Variants in ZFAT observed in about 807,000 individuals in gnomAD.
ZFAT encodes the protein zinc finger protein ZFAT.
In ZFAT, 64 loss-of-function variants were observed where a neutral mutation model predicts 117.7. The observed-to-expected ratio is 0.54, with a 90% CI of 0.44 to 0.67. The LOEUF (loss-of-function observed/expected upper bound fraction) is 0.67. ZFAT is among the 30% of genes least tolerant of loss of function. The pLI, the probability that ZFAT is intolerant of heterozygous loss-of-function variation, is 0.00. For missense variants in ZFAT, 1,433 were observed against 1,584.5 expected (o/e 0.90, Z 1.62); for synonymous variants, 679 against 615.0 (o/e 1.10, Z -1.54).
At chr8:134,578,973 C>T (rs937173387) in intron 10 of ZFAT, among the ~76,000 whole-genome samples, 1 of 152,196 alleles carries the variant, frequency 6.6e-6, no homozygotes, top group Non-Finnish European at 1.5e-5. Flanking sequence ...CTGGCTTTTA[C>T]ACTTTTCAAA....
At chr8:134,696,978 C>T (rs1052528433) in intron 1 of ZFAT, among the ~76,000 whole-genome samples, 1 of 151,298 alleles carries the variant, frequency 6.6e-6, no homozygotes, top group African/African-American at 2.4e-5. Context: ...AGTGCAGTGG[C>T]GCCATTTCGG....
the ZFAT span, among the ~76,000 whole-genome samples, chr8:134,737,591 GAC>G: frequency 7.2e-5 from 11 of 152,306 alleles, no homozygotes; most frequent in Non-Finnish European, 2.9e-5. Flanking sequence ...TGATTCTCAG[GAC>G]ACATCTTTAG....
chr8:134,739,164 T>C, the ZFAT span, among the ~76,000 whole-genome samples: 1 of 152,204 alleles, frequency 6.6e-6, no homozygotes, highest in Non-Finnish European at 1.5e-5. Context: ...CCAGCTGGGT[T>C]TGCAACTTGT....
At chr8:134,829,415 T>C in the ZFAT span, among the ~76,000 whole-genome samples, 2 of 152,228 alleles carry the variant, frequency 1.3e-5, no homozygotes, top group African/African-American at 2.4e-5. Flanking sequence ...CCCACTCAGT[T>C]AAACCATTAT....
chr8:134,600,416 C>T lies in ZFAT; in HGVS notation c.2475+20G>A, dbSNP rs766431939. 1.2e-5 allele frequency: 19 copies of T among 1,608,486 alleles called. No individual in the cohort carries two copies. Among genetic ancestry groups the T allele is most frequent in the African/African-American group, 8.0e-5 (6 of 74,812 alleles). ...GAGCACCCAGGGGAGACGGGGCTGCCGCTTGGGCTTGCTACTTACCAGTGC... is the reference window on the plus strand; with the variant it reads ...GAGCACCCAGGGGAGACGGGGCTGCTGCTTGGGCTTGCTACTTACCAGTGC... On this transcript the variant is annotated intron_variant, in intron 7 of 15. Coordinates refer to ENST00000377838, the MANE Select transcript of ZFAT (RefSeq NM_020863.4).
chr8:134,705,710 C>G (rs1268429066), intron 1 of ZFAT, among the ~76,000 whole-genome samples: 1 of 138,860 alleles, frequency 7.2e-6, no homozygotes, highest in Non-Finnish European at 1.6e-5. Flanking sequence ...TTTTTTTTTT[C>G]TAAGTTTCAG....
At chr8:134,515,269 C>A (rs182567053) in intron 13 of ZFAT, among the ~76,000 whole-genome samples, 3 of 152,160 alleles carry the variant, frequency 2.0e-5, no homozygotes, top group Admixed American at 2.0e-4. Flanking sequence ...AATAAACATA[C>A]GTGTGTGCAT....
chr8:134,829,860 C>A, the ZFAT span, among the ~76,000 whole-genome samples: 4 of 152,040 alleles, frequency 2.6e-5, no homozygotes, highest in East Asian at 7.7e-4. Context: ...ACAAGAAATA[C>A]TAGAAAAATT....
At chr8:134,696,553 A>C in intron 1 of ZFAT, 4 of 985,930 alleles carry the variant, frequency 4.1e-6, no homozygotes, top group Non-Finnish European at 4.8e-6. Flanking sequence ...AGACTCCTGC[A>C]CTCTCCCAGG....
chr8:134,814,814 T>C, the ZFAT span, among the ~76,000 whole-genome samples: 1 of 152,136 alleles, frequency 6.6e-6, no homozygotes, highest in African/African-American at 2.4e-5. Context: ...CAAAGATAAG[T>C]GTGAAACAGC....
intron 1 of ZFAT, among the ~76,000 whole-genome samples, chr8:134,693,254 C>A (rs1833670729): frequency 6.6e-6 from 1 of 151,546 alleles, no homozygotes; most frequent in African/African-American, 2.4e-5. Context: ...AGAAAATGAG[C>A]CCAGAATCTC....
At chr8:134,761,538 A>G in the ZFAT span, among the ~76,000 whole-genome samples, 1 of 151,502 alleles carries the variant, frequency 6.6e-6, no homozygotes, top group South Asian at 2.1e-4. Context: ...CGTCTCTACT[A>G]AAAATACAAA....
chr8:134,632,305 A>G (rs1481012813), intron 3 of ZFAT, among the ~76,000 whole-genome samples: 2 of 152,254 alleles, frequency 1.3e-5, no homozygotes, highest in African/African-American at 4.8e-5. Context: ...ATTATAAGGA[A>G]ATAGTATATA....
intron 1 of ZFAT, among the ~76,000 whole-genome samples, chr8:134,664,520 T>C (rs1832111355): frequency 6.6e-6 from 1 of 152,238 alleles, no homozygotes; most frequent in East Asian, 1.9e-4. Flanking sequence ...GCAGAGAGCA[T>C]GGTGCTCCCT....
chr8:134,614,642 A>G (rs1421432663), intron 3 of ZFAT, among the ~76,000 whole-genome samples: 2 of 152,370 alleles, frequency 1.3e-5, no homozygotes, highest in African/African-American at 4.8e-5. Context: ...GGCTAGAGCC[A>G]GACAATGAAG....
At chr8:134,653,327 AGTGCAGTG>A (rs1468362749) in intron 2 of ZFAT, among the ~76,000 whole-genome samples, 2 of 137,552 alleles carry the variant, frequency 1.5e-5, no homozygotes, top group Non-Finnish European at 3.1e-5. Flanking sequence ...CCCAGGCTGG[AGTGCAGTG>A]GTGCAATCAC....
At chr8:134,539,203 T>C (rs1822063651) in intron 11 of ZFAT, among the ~76,000 whole-genome samples, 2 of 152,182 alleles carry the variant, frequency 1.3e-5, no homozygotes, top group Non-Finnish European at 2.9e-5. Flanking sequence ...TAGAGGAATG[T>C]TTGAAAGCAG....
chr8:134,583,890 G>A lies in ZFAT; in HGVS notation c.2829C>T (p.Gly943=). The stretch of plus-strand genomic sequence containing the variant: ...GTGTCCCTTTTGATTTGAATTTCTT[G>A]CCACACATGTCACATAGGTGGGTTT... ...TEKTHLCDMC[G]KKFKSKGTLK... is the part of the protein sequence containing the mutation. Residue 943 remains glycine, a synonymous_variant, in exon 10 of 16, where the codon GGC becomes GGT. Transcript: ENST00000377838. The A allele has an allele frequency of 1.9e-6, 3 of 1,612,480 alleles. No homozygotes were observed. Among genetic ancestry groups the A allele is most frequent in the Non-Finnish European group, 2.5e-6 (3 of 1,179,344 alleles).
chr8:134,744,543 G>T, the ZFAT span, among the ~76,000 whole-genome samples: 1 of 151,654 alleles, frequency 6.6e-6, no homozygotes, highest in South Asian at 2.1e-4. Flanking sequence ...TGATCCACCT[G>T]CCCCAGCCTC....
Sources: gnomAD v4.1 joint callset for allele counts (sites outside exome capture counted in the v4.1 genomes callset) on GRCh38, gnomAD v4.1.1 for gene constraint, MANE v1.5 for transcripts, NCBI Gene and HGNC (gene_info 2026-07-23, HGNC 2026-07-21) for gene names.